JAZF1: variants seen among roughly 807,000 people sequenced by gnomAD.
JAZF1 encodes JAZF zinc finger 1.
In JAZF1, 8 loss-of-function variants were observed where a neutral mutation model predicts 26.4. The ratio of observed to expected loss-of-function variants is 0.30; its 90% CI spans 0.18 to 0.55. The LOEUF (loss-of-function observed/expected upper bound fraction) is 0.55. JAZF1 is among the 20% of genes least tolerant of loss of function. JAZF1 has a pLI of 0.94. For synonymous variants in JAZF1, 126 were observed against 122.3 expected (o/e 1.03, Z -0.20); for missense variants, 199 against 322.0 (o/e 0.62, Z 2.92).
rs1470593041 is a variant in JAZF1, at chr7:28,151,094, G to A, written c.115+29369C>T. Reference sequence around the variant, plus strand: ...GTAGCTCTTGGGAGGGGGGATTTTCGATATATATATATATATATTTTTTTT... The same window carrying A: ...GTAGCTCTTGGGAGGGGGGATTTTCAATATATATATATATATATTTTTTTT... On this transcript the variant is annotated intron_variant, in intron 1 of 4. Coordinates refer to ENST00000283928, the MANE Select transcript of JAZF1 (RefSeq NM_175061.4). Among the ~76,000 whole-genome samples, 18 of 76,898 alleles carry A rather than the reference G, an allele frequency of 2.3e-4. No individual in the cohort carries two copies. The South Asian group carries it at 3.8e-3, about 16-fold the overall frequency. The allele number at this position is 76,898 out of a possible 152,430, so 50.4% of individuals were successfully genotyped here.
chr7:28,096,069 G>C (rs1019405652), intron 1 of JAZF1, among the ~76,000 whole-genome samples: 2 of 152,100 alleles, frequency 1.3e-5, no homozygotes, highest in African/African-American at 2.4e-5. Context: ...ATGAAATTTG[G>C]GGGGGGCACA....
intron 1 of JAZF1, among the ~76,000 whole-genome samples, chr7:28,070,171 A>G (rs1341600032): frequency 6.6e-6 from 1 of 152,164 alleles, no homozygotes; most frequent in Non-Finnish European, 1.5e-5. Context: ...AGCAATTAAA[A>G]CTACAGCTTG....
chr7:27,956,183 G>A (rs1009371823), intron 2 of JAZF1, among the ~76,000 whole-genome samples: 4 of 152,164 alleles, frequency 2.6e-5, no homozygotes, highest in Admixed American at 2.0e-4. Flanking sequence ...ATTTGGCTCC[G>A]AGATCTGTCA....
At chr7:28,090,817 G>GTTTTTTTTTTTTTT (rs11367530) in intron 1 of JAZF1, among the ~76,000 whole-genome samples, 1 of 101,806 alleles carries the variant, frequency 9.8e-6, no homozygotes, top group Non-Finnish European at 2.0e-5. Flanking sequence ...TTTTTTAGTT[G>GTTTTTTTTTTTTTT]TTTTTTTTTT....
At chr7:28,074,708 A>G (rs554204580) in intron 1 of JAZF1, among the ~76,000 whole-genome samples, 1 of 152,302 alleles carries the variant, frequency 6.6e-6, no homozygotes, top group South Asian at 2.1e-4. Flanking sequence ...ATTTTGCATA[A>G]TATTTCTCAT....
intron 1 of JAZF1, among the ~76,000 whole-genome samples, chr7:28,059,158 A>T (rs889641511): frequency 6.6e-6 from 1 of 152,082 alleles, no homozygotes. Flanking sequence ...TTTGTAATTA[A>T]TAATATTTTT....
intron 1 of JAZF1, among the ~76,000 whole-genome samples, chr7:28,179,841 C>G (rs2127957135): frequency 6.8e-6 from 1 of 147,108 alleles, no homozygotes; most frequent in African/African-American, 2.5e-5. Context: ...TAGCAACCGG[C>G]GCTGACAGGA....
intron 1 of JAZF1, among the ~76,000 whole-genome samples, chr7:28,147,046 C>T (rs561123804): frequency 2.7e-4 from 41 of 151,948 alleles, no homozygotes; most frequent in South Asian, 2.1e-3. Flanking sequence ...TTAGTAGAGA[C>T]GGGGTTTCAC....
rs75666156 is a variant in JAZF1 at position 28,061,494 on chromosome 7, G to A, written c.116-69513C>T. 7.4e-4 allele frequency among the ~76,000 whole-genome samples: 113 copies of A among 152,280 alleles called. 1 individual carries two copies. In the East Asian group the frequency reaches 0.021, roughly 29 times the overall value. On this transcript the variant is annotated intron_variant, in intron 1 of 4. Coordinates refer to ENST00000283928, the MANE Select transcript of JAZF1 (RefSeq NM_175061.4). ...CTGCTCTTACCATTTAGGACCAAGAGGGAGTACAATGAAAGTAAAAAGCAT... is the reference window on the plus strand; with the variant it reads ...CTGCTCTTACCATTTAGGACCAAGAAGGAGTACAATGAAAGTAAAAAGCAT...
At chr7:27,866,781 T>C (rs377658971) in intron 3 of JAZF1, among the ~76,000 whole-genome samples, 3 of 152,362 alleles carry the variant, frequency 2.0e-5, no homozygotes, top group South Asian at 4.1e-4. Context: ...TGGAGAAACA[T>C]AATGTGCTGA....
chr7:27,838,288 A>T (rs931006034), intron 4 of JAZF1, among the ~76,000 whole-genome samples: 1 of 152,168 alleles, frequency 6.6e-6, no homozygotes, highest in Non-Finnish European at 1.5e-5. Flanking sequence ...TTTTTCCTCT[A>T]CAAAGGGCAG....
chr7:27,840,562 C>T lies in JAZF1; in HGVS notation c.555+136G>A, dbSNP rs1023425513. On this transcript the variant is annotated intron_variant, in intron 4 of 4. Transcript: ENST00000283928. The surrounding 1 kb of genome is among the most constrained non-coding windows in gnomAD (Gnocchi z 5.1). ...TGTGTGCACACAGGGGTGAGGCCCA[C>T]GCACTCTAATGCAGGAGAGGGGAGT... 20 of 894,060 alleles carry T rather than the reference C, an allele frequency of 2.2e-5. 1 individual carries two copies. Among genetic ancestry groups the T allele is most frequent in the East Asian group, 7.3e-5 (3 of 41,144 alleles). 55.4% of individuals were successfully genotyped at this position (894,060 alleles called of 1,614,324 possible).
intron 3 of JAZF1, among the ~76,000 whole-genome samples, chr7:27,850,409 T>G (rs953889380): frequency 1.3e-5 from 2 of 152,208 alleles, no homozygotes; most frequent in Non-Finnish European, 2.9e-5. Flanking sequence ...ACTATGGAAT[T>G]GGTTCTGGTT....
intron 1 of JAZF1, among the ~76,000 whole-genome samples, chr7:28,069,770 C>T (rs1562576923): frequency 1.3e-5 from 2 of 152,142 alleles, no homozygotes; most frequent in East Asian, 1.9e-4. Flanking sequence ...GTGCCAGGTA[C>T]GGCTCCATGC....
At chr7:27,989,099 C>T (rs1337383149) in intron 2 of JAZF1, among the ~76,000 whole-genome samples, 1 of 151,918 alleles carries the variant, frequency 6.6e-6, no homozygotes, top group Non-Finnish European at 1.5e-5. Context: ...AGATGTAGAC[C>T]AAAGGAACAG....
intron 1 of JAZF1, among the ~76,000 whole-genome samples, chr7:28,177,862 T>C (rs894046667): frequency 1.3e-5 from 2 of 152,208 alleles, no homozygotes; most frequent in African/African-American, 4.8e-5. Context: ...TATGACACTA[T>C]CTACTAATTG....
chr7:28,090,311 C>G lies in JAZF1; in HGVS notation c.115+90152G>C, dbSNP rs990174977. On this transcript the variant is annotated intron_variant, in intron 1 of 4. Coordinates refer to ENST00000283928, the MANE Select transcript of JAZF1 (RefSeq NM_175061.4). ...TCATCATCACCTTCTTCATCATGAA[C>G]AACAAATCTCTCTGCTTAACGAAGA... Among the ~76,000 whole-genome samples, 8 of 152,308 alleles carry G rather than the reference C, an allele frequency of 5.3e-5. No homozygotes were observed. The East Asian group carries it at 1.2e-3, about 22-fold the overall frequency.
In JAZF1 at chr7:28,104,388, T is replaced by C. The variant is rs114279322; in HGVS notation, c.115+76075A>G. Reference sequence around the variant, plus strand: ...TTGTTTTGTTCCCAATTGTATCCTTTGTACCTAGGACAGGGCCTGGCAAAT... The same window carrying C: ...TTGTTTTGTTCCCAATTGTATCCTTCGTACCTAGGACAGGGCCTGGCAAAT... On this transcript the variant is annotated intron_variant, in intron 1 of 4. Coordinates refer to ENST00000283928, the MANE Select transcript of JAZF1 (RefSeq NM_175061.4). 1.0e-2 allele frequency among the ~76,000 whole-genome samples: 1,517 copies of C among 152,316 alleles called. 28 individuals carry two copies. Among genetic ancestry groups the C allele is most frequent in the African/African-American group, 0.035 (1,445 of 41,546 alleles).
At chr7:27,985,527 A>C (rs1785681694) in intron 2 of JAZF1, among the ~76,000 whole-genome samples, 1 of 152,228 alleles carries the variant, frequency 6.6e-6, no homozygotes, top group Non-Finnish European at 1.5e-5. Context: ...CAGAGGTACA[A>C]AGAGGAGCTG....
Sources: allele counts gnomAD v4.1 joint callset (sites outside exome capture counted in the v4.1 genomes callset), GRCh38; gene constraint gnomAD v4.1.1; non-coding constraint Gnocchi (gnomAD v3.1); transcripts MANE v1.5; gene names NCBI Gene and HGNC (gene_info 2026-07-23, HGNC 2026-07-21).